The following DEFB118 variants were observed in gnomAD, a reference collection of about 807,000 sequenced individuals.
DEFB118 encodes the protein defensin, beta 18.
A neutral mutation model predicts 2.8 loss-of-function variants in DEFB118; 3 were observed. That is an observed-to-expected ratio of 1.09 (90% CI 0.50 to 2.82). The LOEUF is 2.82. Among genes scored for constraint, DEFB118 ranks in the 30% most tolerant of loss-of-function variants. The pLI is 0.04. For synonymous variants in DEFB118, 63 were observed against 53.5 expected (o/e 1.18, Z -0.78); for missense variants, 159 against 144.6 (o/e 1.10, Z -0.51).
chr20:31,368,819 A>G (rs1986162780), intron 1 of DEFB118, 111 bp downstream of exon 1: 4 of 1,014,910 alleles, frequency 3.9e-6, no homozygotes. Context: ...CAGTTCCCAC[A>G]CTGGGACTAT....
chr20:31,372,765 G>A, intron 1 of DEFB118, 92 bp from the exon 2 acceptor site: 1 of 950,170 alleles, frequency 1.1e-6, no homozygotes. Flanking sequence ...ATGATCCACA[G>A]TGTGGATATA....
chr20:31,368,603 A>T lies in DEFB118; in HGVS notation c.-48A>T, dbSNP rs779897743. 3.1e-6 allele frequency: 5 copies of T among 1,588,260 alleles called. No individual in the cohort carries two copies. The highest frequency in any genetic ancestry group is 4.3e-6 in the Non-Finnish European group (5 of 1,156,870). The stretch of plus-strand genomic sequence containing the variant: ...ACTCTTGTTCAGACTCACACTGCAC[A>T]CAGTATTCTGAACTCCTGGATCTAC... On this transcript the variant is annotated 5_prime_UTR_variant, in exon 1 of 2. Coordinates refer to ENST00000253381, the MANE Select transcript of DEFB118 (RefSeq NM_054112.3).
At chr20:31,372,432 C>T (rs1986226100) in intron 1 of DEFB118, among the ~76,000 whole-genome samples, 1 of 152,052 alleles carries the variant, frequency 6.6e-6, no homozygotes, top group South Asian at 2.1e-4. Context: ...GCCTGTAGTC[C>T]CAGCTACTCA....
intron 1 of DEFB118, among the ~76,000 whole-genome samples, chr20:31,372,044 G>A (rs1356875273): frequency 6.6e-6 from 1 of 152,182 alleles, no homozygotes; most frequent in Non-Finnish European, 1.5e-5. Context: ...TGGATGAGTA[G>A]TAATCCATGG....
At chr20:31,369,003 AT>A (rs1378535675) in intron 1 of DEFB118, among the ~76,000 whole-genome samples, 1 of 152,152 alleles carries the variant, frequency 6.6e-6, no homozygotes, top group Non-Finnish European at 1.5e-5. Context: ...TTTGAAAATG[AT>A]TCCTGCAGCC....
intron 1 of DEFB118, among the ~76,000 whole-genome samples, chr20:31,372,273 C>T (rs978903647): frequency 6.6e-6 from 1 of 152,124 alleles, no homozygotes; most frequent in Non-Finnish European, 1.5e-5. Context: ...ACTTTCTGGC[C>T]GGGTGCTGTG....
At position 31,373,274 on chromosome 20, in the gene DEFB118, T is replaced by C. The variant is rs2122274128; in HGVS notation, c.*104T>C. Reference sequence around the variant, plus strand: ...CAGTGACCCTCCCACCCCCCACCAATATGTAATTCTATTAATAGAAACAGC... The same window carrying C: ...CAGTGACCCTCCCACCCCCCACCAACATGTAATTCTATTAATAGAAACAGC... On this transcript the variant is annotated 3_prime_UTR_variant, in exon 2 of 2. Transcript: ENST00000253381. 1 of 970,554 alleles carries C rather than the reference T, an allele frequency of 1.0e-6. No homozygotes were observed. The highest frequency in any genetic ancestry group is 1.5e-6 in the Non-Finnish European group (1 of 668,122). 60.1% of individuals were successfully genotyped at this position (970,554 alleles called of 1,614,324 possible).
chr20:31,370,854 G>A (rs538734994), intron 1 of DEFB118, among the ~76,000 whole-genome samples: 1 of 152,162 alleles, frequency 6.6e-6, no homozygotes, highest in African/African-American at 2.4e-5. Flanking sequence ...GGGTTCAAGC[G>A]ATTCCCCTGC....
rs60446679 is a variant in DEFB118, at chr20:31,373,900, C to CAAAAAAAAAAAA, written c.*742_*753dup. 9.3e-5 allele frequency: 6 copies of CAAAAAAAAAAAA among 64,592 alleles called. No homozygotes were observed. The highest frequency in any genetic ancestry group is 2.2e-4 in the Non-Finnish European group (6 of 27,530). The allele number at this position is 64,592 out of a possible 1,614,324, so 4.0% of individuals were successfully genotyped here. On this transcript the variant is annotated 3_prime_UTR_variant, in exon 2 of 2. Transcript: ENST00000253381. ...AGCTTTATTTGTCTCCCTCTGATAG[C>CAAAAAAAAAAAA]AAAAAAAAAAAAAAAAAAAAAAATC...
intron 1 of DEFB118, among the ~76,000 whole-genome samples, chr20:31,369,111 A>C (rs1986168288): frequency 6.6e-6 from 1 of 152,186 alleles, no homozygotes; most frequent in African/African-American, 2.4e-5. Context: ...AACAAGTCAG[A>C]AAACACTGGT....
chr20:31,370,688 A>G (rs760363280), intron 1 of DEFB118, among the ~76,000 whole-genome samples: 2 of 152,212 alleles, frequency 1.3e-5, no homozygotes, highest in African/African-American at 2.4e-5. Context: ...TTCTATCACC[A>G]TAATCCTTCA....
Position 31,369,637 on chromosome 20 carries a change from G to A in DEFB118, c.58+929G>A, listed in dbSNP as rs1006360974. On this transcript the variant is annotated intron_variant, in intron 1 of 1. Transcript: ENST00000253381. ...ACTCTTGACCTCGGGTGATCCATCC[G>A]CCTCGGTCTCCCAAAGTGCTGGGAT... Among the ~76,000 whole-genome samples the A allele has an allele frequency of 5.9e-5, 9 of 152,086 alleles. No individual in the cohort carries two copies. In the East Asian group the frequency reaches 1.2e-3, roughly 20 times the overall value.
At chr20:31,370,784 T>C (rs1442456442) in intron 1 of DEFB118, among the ~76,000 whole-genome samples, 2 of 152,196 alleles carry the variant, frequency 1.3e-5, no homozygotes, top group Non-Finnish European at 2.9e-5. Context: ...AGAGTCTCGC[T>C]CTGTTGCCCA....
chr20:31,368,792 C>A, intron 1 of DEFB118, 84 bp downstream of exon 1: 1 of 1,302,460 alleles, frequency 7.7e-7, no homozygotes, highest in South Asian at 1.2e-5. Context: ...CGGTACTCCC[C>A]AACATGGGCA....
intron 1 of DEFB118, among the ~76,000 whole-genome samples, chr20:31,370,913 G>A (rs918953445): frequency 2.0e-5 from 3 of 151,906 alleles, no homozygotes; most frequent in Non-Finnish European, 4.4e-5. Context: ...ACCAAGCCTG[G>A]CTACTTTTTG....
rs1600500685 is a variant in DEFB118 at position 31,373,223 on chromosome 20, A to G, written c.*53A>G. 1.4e-5 allele frequency: 22 copies of G among 1,535,738 alleles called. No homozygotes were observed. The East Asian group carries it at 5.0e-4, about 35-fold the overall frequency. ...TCCTCAGAGTGATAAACTAAGTCAC[A>G]TACAGATAAAGCACTGAAAACACCA... is the stretch of plus-strand genomic sequence containing the variant. On this transcript the variant is annotated 3_prime_UTR_variant, in exon 2 of 2. Coordinates refer to ENST00000253381, the MANE Select transcript of DEFB118 (RefSeq NM_054112.3).
At chr20:31,371,460 A>C (rs530897272) in intron 1 of DEFB118, among the ~76,000 whole-genome samples, 1 of 151,074 alleles carries the variant, frequency 6.6e-6, no homozygotes, top group Non-Finnish European at 1.5e-5. Flanking sequence ...CTTATTATCT[A>C]CTTTTTTTCT....
chr20:31,371,606 G>T (rs1986211667), intron 1 of DEFB118, among the ~76,000 whole-genome samples: 1 of 152,094 alleles, frequency 6.6e-6, no homozygotes, highest in Admixed American at 6.5e-5. Flanking sequence ...GAGTAGCTGT[G>T]ACAATAGGCA....
chr20:31,371,502 G>T (rs774848332), intron 1 of DEFB118, among the ~76,000 whole-genome samples: 5 of 148,894 alleles, frequency 3.4e-5, no homozygotes, highest in Non-Finnish European at 5.9e-5. Flanking sequence ...AGACAGTCTC[G>T]CTCTGTTGCC....
Sources: allele counts gnomAD v4.1 joint callset (sites outside exome capture counted in the v4.1 genomes callset), GRCh38; gene constraint gnomAD v4.1.1; transcripts MANE v1.5; gene names NCBI Gene and HGNC (gene_info 2026-07-23, HGNC 2026-07-21).